Variants in ZNF462 observed in about 807,000 individuals in gnomAD.
ZNF462 encodes zinc finger protein 462, also known as zinc finger PBX1-interacting protein.
A neutral mutation model predicts 201.9 loss-of-function variants in ZNF462; 10 were observed. The ratio of observed to expected loss-of-function variants is 0.05; its 90% CI spans 0.03 to 0.08. The LOEUF is 0.08. Ranked by LOEUF, ZNF462 falls within the 10% of genes least tolerant of loss-of-function variation. ZNF462 has a pLI of 1.00. For synonymous variants in ZNF462, 1,227 were observed against 1,193.3 expected, an observed-to-expected ratio of 1.03 and a Z score of -0.58; for missense variants, 2,523 against 3,168.3, an observed-to-expected ratio of 0.80 and a Z score of 4.89.
rs73522975 is a variant in ZNF462 at position 106,925,358 on chromosome 9, G to A, written c.1446G>A (p.Ser482=). 2,445 of 1,614,198 alleles carry A rather than the reference G, an allele frequency of 1.5e-3. 26 individuals carry two copies. In the African/African-American group the frequency reaches 0.028, roughly 18 times the overall value. Residue 482 remains serine (S), a synonymous_variant, in exon 3 of 13, where the codon TCG becomes TCA. Transcript: ENST00000277225. This position sits in a 1 kb window ranked among gnomAD's most constrained non-coding sequence, Gnocchi z 7.9. ...CDECPFTCKS[S]LKLGAHKQCH... is the part of the protein sequence containing the mutation. ...AATGTCCGTTTACTTGCAAGAGCTC[G>A]TTGAAACTTGGGGCTCACAAACAGT...
chr9:106,867,410 T>G lies in ZNF462; in HGVS notation c.-31+4055T>G, dbSNP rs201935243. ...ATCACAGGGAGAAATCATGGAGAAATATTTGCGAGCTATGATGCATCCTGC... is the reference window on the plus strand; with the variant it reads ...ATCACAGGGAGAAATCATGGAGAAAGATTTGCGAGCTATGATGCATCCTGC... On this transcript the variant is annotated intron_variant, in intron 1 of 12. Coordinates refer to ENST00000277225, the MANE Select transcript of ZNF462 (RefSeq NM_021224.6). 4.6e-5 allele frequency among the ~76,000 whole-genome samples: 7 copies of G among 152,126 alleles called. No homozygotes were observed. The East Asian group carries it at 1.2e-3, about 25-fold the overall frequency.
At chr9:106,992,721 G>A (rs750907036) in intron 10 of ZNF462, among the ~76,000 whole-genome samples, 1 of 152,122 alleles carries the variant, frequency 6.6e-6, no homozygotes, top group Non-Finnish European at 1.5e-5. Context: ...GGGCCTGGAA[G>A]ATGGGAGCAG....
chr9:106,988,292 G>A (rs1488133494), intron 10 of ZNF462, among the ~76,000 whole-genome samples: 2 of 152,020 alleles, frequency 1.3e-5, no homozygotes, highest in South Asian at 2.1e-4. Flanking sequence ...ACACAAAAGC[G>A]GAAACCCCTG....
intron 10 of ZNF462, among the ~76,000 whole-genome samples, chr9:106,991,505 C>G (rs1221217527): frequency 6.6e-6 from 1 of 151,690 alleles, no homozygotes. Flanking sequence ...TATCAAAATC[C>G]CAGTAGGCTT....
At chr9:106,887,026 G>T (rs977614220) in intron 1 of ZNF462, among the ~76,000 whole-genome samples, 1 of 152,116 alleles carries the variant, frequency 6.6e-6, no homozygotes, top group East Asian at 1.9e-4. Context: ...TTCTCCCTTG[G>T]TGTTCATGAA....
chr9:106,968,080 C>A lies in ZNF462; in HGVS notation c.6428-3925C>A, dbSNP rs2131990046. Among the ~76,000 whole-genome samples the A allele has an allele frequency of 6.6e-6, 1 of 152,252 alleles. No homozygotes were observed. The highest frequency in any genetic ancestry group is 3.4e-3 in the Middle Eastern group (1 of 294). ...GAAGCAACGTTCATGTTCTTTTTGG[C>A]TCCTCTGATTTGTATCACAGAACCC... On this transcript the variant is annotated intron_variant, in intron 7 of 12. Coordinates refer to ENST00000277225, the MANE Select transcript of ZNF462 (RefSeq NM_021224.6). The surrounding 1 kb of genome is among the most constrained non-coding windows in gnomAD (Gnocchi z 4.0).
At chr9:106,961,219 AG>A (rs2131897715) in intron 7 of ZNF462, among the ~76,000 whole-genome samples, 1 of 152,250 alleles carries the variant, frequency 6.6e-6, no homozygotes, top group South Asian at 2.1e-4. Context: ...AATAATCTCA[AG>A]TGGCTTCCAG....
intron 1 of ZNF462, among the ~76,000 whole-genome samples, chr9:106,884,950 A>T (rs1828256398): frequency 6.6e-6 from 1 of 152,190 alleles, no homozygotes; most frequent in Non-Finnish European, 1.5e-5. Context: ...ATCAATGCTT[A>T]TTAGTGAATG....
Position 106,974,466 on chromosome 9 carries a change from TC to T in ZNF462, c.6832+195del. The T allele has an allele frequency of 1.3e-6, 1 of 799,124 alleles. No homozygotes were observed. The highest frequency in any genetic ancestry group is 2.1e-6 in the Non-Finnish European group (1 of 477,682). The allele number at this position is 799,124 out of a possible 1,614,324, so 49.5% of individuals were successfully genotyped here. On this transcript the variant is annotated intron_variant, in intron 9 of 12. Transcript: ENST00000277225. This position sits in a 1 kb window ranked among gnomAD's most constrained non-coding sequence, Gnocchi z 4.0. ...ACACCTTCCTGCTGGGAGTATTTCC[TC>T]CACCTGGAGGGAGGCAAAGGTGATG... is the stretch of plus-strand genomic sequence containing the variant.
chr9:107,010,760 T>G lies in ZNF462; in HGVS notation c.7314-63T>G. 1 of 1,425,586 alleles carries G rather than the reference T, an allele frequency of 7.0e-7. No individual in the cohort carries two copies. The highest frequency in any genetic ancestry group is 9.4e-7 in the Non-Finnish European group (1 of 1,067,808). The allele number at this position is 1,425,586 out of a possible 1,614,324, so 88.3% of individuals were successfully genotyped here. Reference sequence around the variant, plus strand: ...GACACTCGAGGGTTTTTATTATTTTTTTGTTTAAAAAGAGAAATATATATA... The same window carrying G: ...GACACTCGAGGGTTTTTATTATTTTGTTGTTTAAAAAGAGAAATATATATA... On this transcript the variant is annotated intron_variant, in intron 12 of 12. Transcript: ENST00000277225. This position sits in a 1 kb window ranked among gnomAD's most constrained non-coding sequence, Gnocchi z 4.6.
In ZNF462 at chr9:106,966,524, G is replaced by A. The variant is rs1234798764; in HGVS notation, c.6428-5481G>A. Among the ~76,000 whole-genome samples, 1 of 152,012 alleles carries A rather than the reference G, an allele frequency of 6.6e-6. No individual in the cohort carries two copies. The highest frequency in any genetic ancestry group is 1.5e-5 in the Non-Finnish European group (1 of 67,972). On this transcript the variant is annotated intron_variant, in intron 7 of 12. Coordinates refer to ENST00000277225, the MANE Select transcript of ZNF462 (RefSeq NM_021224.6). The surrounding 1 kb of genome is among the most constrained non-coding windows in gnomAD (Gnocchi z 4.4). ...CATCTCTCTCACTCCCACATTCTGT[G>A]AGGCACAAAGTGCTGCTGATTTTTC...
rs1254529575 is a variant in ZNF462 at position 106,924,224 on chromosome 9, A to C, written c.312A>C (p.Thr104=). The C allele has an allele frequency of 3.1e-6, 5 of 1,614,038 alleles. No individual in the cohort carries two copies. In the Admixed American group the frequency reaches 8.3e-5, roughly 27 times the overall value. Residue 104 remains threonine, a synonymous_variant, in exon 3 of 13, where the codon ACA becomes ACC. Coordinates refer to ENST00000277225, the MANE Select transcript of ZNF462 (RefSeq NM_021224.6). This position sits in a 1 kb window ranked among gnomAD's most constrained non-coding sequence, Gnocchi z 6.2. ...GQHIAANPKP[T]NKFFQCKFCV... ...ATATTGCCGCTAATCCCAAACCAAC[A>C]AACAAGTTTTTTCAATGCAAGTTCT...
At position 106,977,741 on chromosome 9, in the gene ZNF462, G is replaced by A. The variant is rs774536050; in HGVS notation, c.6832+3468G>A. The stretch of plus-strand genomic sequence containing the variant: ...TATATTTCTGTTTGTAGTAGAGAGG[G>A]GTGGCTTTCAAACTGAGCCATGATA... On this transcript the variant is annotated intron_variant, in intron 9 of 12. Coordinates refer to ENST00000277225, the MANE Select transcript of ZNF462 (RefSeq NM_021224.6). The surrounding 1 kb of genome is among the most constrained non-coding windows in gnomAD (Gnocchi z 4.6). Among the ~76,000 whole-genome samples the A allele has an allele frequency of 7.3e-5, 11 of 151,444 alleles. 1 individual carries two copies. Among genetic ancestry groups the A allele is most frequent in the East Asian group, 1.9e-4 (1 of 5,182 alleles).
Position 106,930,399 on chromosome 9 carries a change from A to G in ZNF462, c.5848-126A>G, listed in dbSNP as rs117971847. On this transcript the variant is annotated intron_variant, in intron 3 of 12. Transcript: ENST00000277225. The surrounding 1 kb of genome is among the most constrained non-coding windows in gnomAD (Gnocchi z 5.8). ...ATTTGTTATATAAAAATACTCGCCT[A>G]TATCTCCCTTGGTTTTTAACCTGCT... 12,081 of 1,235,104 alleles carry G rather than the reference A, an allele frequency of 9.8e-3. 73 individuals are homozygous for G. The highest frequency in any genetic ancestry group is 0.011 in the Non-Finnish European group (9,706 of 898,870). The allele number at this position is 1,235,104 out of a possible 1,614,324, so 76.5% of individuals were successfully genotyped here.
intron 7 of ZNF462, among the ~76,000 whole-genome samples, chr9:106,953,190 C>T (rs1404563343): frequency 6.6e-6 from 1 of 152,194 alleles, no homozygotes; most frequent in African/African-American, 2.4e-5. Flanking sequence ...AACTGCTAGA[C>T]TCAGTGTTCT....
chr9:106,884,524 T>A (rs1231196931), intron 1 of ZNF462, among the ~76,000 whole-genome samples: 1 of 152,138 alleles, frequency 6.6e-6, no homozygotes, highest in Non-Finnish European at 1.5e-5. Flanking sequence ...ACAGGCTACA[T>A]ACTGCAACCA....
In ZNF462 at chr9:106,917,444, C is replaced by T. The variant is rs983132675; in HGVS notation, c.-30-5910C>T. ...TACAAGGTCCCACAGATGGACCAGG[C>T]CAACTGTATACAACAGAGGCCACAT... On this transcript the variant is annotated intron_variant, in intron 1 of 12. Transcript: ENST00000277225. This position sits in a 1 kb window ranked among gnomAD's most constrained non-coding sequence, Gnocchi z 4.5. Among the ~76,000 whole-genome samples, 2 of 152,200 alleles carry T rather than the reference C, an allele frequency of 1.3e-5. No homozygotes were observed. The highest frequency in any genetic ancestry group is 4.8e-5 in the African/African-American group (2 of 41,446).
rs1269800000 is a variant in ZNF462, at chr9:107,011,673, GT to G, written c.*647del. On this transcript the variant is annotated 3_prime_UTR_variant, in exon 13 of 13. Coordinates refer to ENST00000277225, the MANE Select transcript of ZNF462 (RefSeq NM_021224.6). This position sits in a 1 kb window ranked among gnomAD's most constrained non-coding sequence, Gnocchi z 5.6. The stretch of plus-strand genomic sequence containing the variant: ...GATGGTGAATGGAGAAAAAAAAAGA[GT>G]TTTAAAGAAAGGAACACAAATTGTG... 6.6e-6 allele frequency: 1 copy of G among 151,992 alleles called. No homozygotes were observed. The highest frequency in any genetic ancestry group is 1.5e-5 in the Non-Finnish European group (1 of 67,998). The allele number at this position is 151,992 out of a possible 1,614,324, so 9.4% of individuals were successfully genotyped here. A position where few individuals can be genotyped will look rare whatever the true frequency, so the allele number is the denominator to read the frequency against.
intron 7 of ZNF462, among the ~76,000 whole-genome samples, chr9:106,967,972 G>A (rs180750228): frequency 3.3e-5 from 5 of 151,374 alleles, no homozygotes; most frequent in Admixed American, 6.6e-5. Context: ...ATTATCATTT[G>A]CATCTGTTCT....
Sources: allele counts gnomAD v4.1 joint callset (sites outside exome capture counted in the v4.1 genomes callset), GRCh38; gene constraint gnomAD v4.1.1; non-coding constraint Gnocchi (gnomAD v3.1); transcripts MANE v1.5; gene names NCBI Gene and HGNC (gene_info 2026-07-23, HGNC 2026-07-21).